PTPRD: variants seen among roughly 807,000 people sequenced by gnomAD.
PTPRD encodes the protein receptor-type tyrosine-protein phosphatase delta.
PTPRD carries 34 observed loss-of-function variants against 214.5 expected under a neutral mutation model. The observed-to-expected ratio is 0.16, with a 90% confidence interval of 0.12 to 0.21. The LOEUF (loss-of-function observed/expected upper bound fraction) is 0.21, where lower values mean the gene tolerates loss of function less well. Ranked by LOEUF, PTPRD falls within the 10% of genes least tolerant of loss-of-function variation. The pLI is 1.00. For missense variants in PTPRD, 2,545 were observed against 2,398.7 expected (o/e 1.06, Z -1.27); for synonymous variants, 1,128 against 845.7 (o/e 1.33, Z -5.79).
intron 2 of PTPRD, among the ~76,000 whole-genome samples, chr9:10,395,373 T>C (rs1033190955): frequency 5.1e-4 from 77 of 151,772 alleles, no homozygotes; most frequent in African/African-American, 1.8e-3. Context: ...CTCATTGCGA[T>C]AGTTTGCTGA....
In PTPRD at chr9:8,848,504, ATTTTTT is replaced by A. The variant is rs34149878; in HGVS notation, c.-103-114564_-103-114559del. ...GTGCACACCACCGTATCTGGCAAAT[ATTTTTT>A]TTTTTTTTTTTTTTGGTAGAGACAG... On this transcript the variant is annotated intron_variant, in intron 11 of 45. Transcript: ENST00000381196. 1.1e-4 allele frequency among the ~76,000 whole-genome samples: 14 copies of A among 125,028 alleles called. No individual in the cohort carries two copies. In the East Asian group the frequency reaches 3.2e-3, roughly 29 times the overall value. 82.0% of individuals were successfully genotyped at this position (125,028 alleles called of 152,430 possible).
chr9:9,955,774 G>A (rs565448916), intron 4 of PTPRD, among the ~76,000 whole-genome samples: 10 of 152,136 alleles, frequency 6.6e-5, no homozygotes, highest in South Asian at 4.1e-4. Flanking sequence ...AGCCCGCCTC[G>A]GCCTCCCAAA....
chr9:8,542,238 T>C (rs910029002), intron 14 of PTPRD, among the ~76,000 whole-genome samples: 7 of 152,196 alleles, frequency 4.6e-5, no homozygotes, highest in African/African-American at 1.7e-4. Flanking sequence ...ACTGGGAGTG[T>C]ATGTCGCTTA....
chr9:10,046,574 C>A (rs2097401138), intron 3 of PTPRD, among the ~76,000 whole-genome samples: 1 of 151,794 alleles, frequency 6.6e-6, no homozygotes, highest in Non-Finnish European at 1.5e-5. Flanking sequence ...GCCTCGGATG[C>A]TTCAATGTTT....
rs535054075 is a variant in PTPRD, at chr9:10,032,866, T to C, written c.-472+852A>G. On this transcript the variant is annotated intron_variant, in intron 4 of 45. Coordinates refer to ENST00000381196, the MANE Select transcript of PTPRD (RefSeq NM_002839.4). The stretch of plus-strand genomic sequence containing the variant: ...ATATTTTTTTACTATTATTTATCTA[T>C]AAAGATAGCAGTAAATTTGCATGAT... 9.2e-5 allele frequency among the ~76,000 whole-genome samples: 14 copies of C among 152,104 alleles called. No individual in the cohort carries two copies. The South Asian group carries it at 2.7e-3, about 29-fold the overall frequency.
intron 5 of PTPRD, among the ~76,000 whole-genome samples, chr9:9,924,348 C>G (rs544296767): frequency 6.6e-6 from 1 of 151,982 alleles, no homozygotes; most frequent in Non-Finnish European, 1.5e-5. Context: ...CTCTATTGAA[C>G]AGGACTATAG....
intron 2 of PTPRD, among the ~76,000 whole-genome samples, chr9:10,421,085 C>T (rs1441759870): frequency 6.6e-6 from 1 of 151,658 alleles, no homozygotes; most frequent in Non-Finnish European, 1.5e-5. Flanking sequence ...AAAAGAAAAG[C>T]AAAAAAATCT....
intron 2 of PTPRD, among the ~76,000 whole-genome samples, chr9:10,401,546 G>A (rs963168116): frequency 1.3e-5 from 2 of 150,222 alleles, no homozygotes; most frequent in African/African-American, 4.9e-5. Flanking sequence ...TATCTGTGGT[G>A]TAACAGTATA....
At chr9:9,722,984 G>C (rs2097992229) in intron 7 of PTPRD, among the ~76,000 whole-genome samples, 1 of 151,942 alleles carries the variant, frequency 6.6e-6, no homozygotes, top group Admixed American at 6.6e-5. Context: ...CCCATTCTTT[G>C]AATTATGTTT....
At chr9:9,956,931 A>G (rs1258447577) in intron 4 of PTPRD, among the ~76,000 whole-genome samples, 2 of 152,174 alleles carry the variant, frequency 1.3e-5, no homozygotes, top group Non-Finnish European at 2.9e-5. Flanking sequence ...TTTATGTTAT[A>G]ACTGCCCATA....
intron 25 of PTPRD, among the ~76,000 whole-genome samples, chr9:8,499,075 G>C (rs754125415): frequency 1.3e-5 from 2 of 151,946 alleles, no homozygotes; most frequent in Non-Finnish European, 2.9e-5. Flanking sequence ...TTATTTGCTA[G>C]GAAATTCTGA....
chr9:9,451,299 A>G (rs1005876518), intron 8 of PTPRD, among the ~76,000 whole-genome samples: 2 of 151,856 alleles, frequency 1.3e-5, no homozygotes, highest in Non-Finnish European at 2.9e-5. Flanking sequence ...ACAAGGCTAT[A>G]GGAAAACACT....
At chr9:9,903,080 A>G (rs965040675) in intron 5 of PTPRD, among the ~76,000 whole-genome samples, 1 of 152,246 alleles carries the variant, frequency 6.6e-6, no homozygotes, top group South Asian at 2.1e-4. Context: ...AGCTAAAGAC[A>G]TATATTCTTA....
intron 5 of PTPRD, among the ~76,000 whole-genome samples, chr9:9,857,720 C>G (rs573746466): frequency 1.3e-5 from 2 of 152,278 alleles, no homozygotes; most frequent in South Asian, 4.1e-4. Context: ...ACTTTTTGAG[C>G]AGAGATGTCT....
chr9:8,584,003 T>G (rs1414944114), intron 14 of PTPRD, among the ~76,000 whole-genome samples: 1 of 151,988 alleles, frequency 6.6e-6, no homozygotes, highest in Admixed American at 6.6e-5. Flanking sequence ...AATATACAAA[T>G]TAGCCATCGG....
At chr9:9,953,151 G>A (rs931324077) in intron 4 of PTPRD, among the ~76,000 whole-genome samples, 11 of 152,124 alleles carry the variant, frequency 7.2e-5, no homozygotes, top group African/African-American at 2.7e-4. Context: ...GGTTAATTCT[G>A]TGTGTCAACT....
rs368864649 is a variant in PTPRD at position 8,697,460 on chromosome 9, T to C, written c.64+36320A>G. ...TTTTTTGAGACAGAATTTTGCCCTGTCACCTAGGCTGGAGTGCAGTGGTGT... is the reference window on the plus strand; with the variant it reads ...TTTTTTGAGACAGAATTTTGCCCTGCCACCTAGGCTGGAGTGCAGTGGTGT... On this transcript the variant is annotated intron_variant, in intron 12 of 45. Transcript: ENST00000381196. 5.3e-4 allele frequency among the ~76,000 whole-genome samples: 77 copies of C among 146,334 alleles called. 1 individual carries two copies. The highest frequency in any genetic ancestry group is 1.8e-3 in the African/African-American group (72 of 39,460).
chr9:9,820,208 G>A (rs921494424), intron 5 of PTPRD, among the ~76,000 whole-genome samples: 1 of 151,928 alleles, frequency 6.6e-6, no homozygotes, highest in Non-Finnish European at 1.5e-5. Flanking sequence ...ATCTCATTAT[G>A]GTTTTCATTT....
At chr9:8,838,637 T>C (rs373904064) in intron 11 of PTPRD, among the ~76,000 whole-genome samples, 1 of 152,106 alleles carries the variant, frequency 6.6e-6, no homozygotes, top group East Asian at 1.9e-4. Context: ...ACATTCTATG[T>C]GTATATAACT....
Sources: gnomAD v4.1 joint callset for allele counts (sites outside exome capture counted in the v4.1 genomes callset) on GRCh38, gnomAD v4.1.1 for gene constraint, MANE v1.5 for transcripts, NCBI Gene and HGNC (gene_info 2026-07-23, HGNC 2026-07-21) for gene names.